Variants in TBPL2 observed in about 807,000 individuals in gnomAD.
TBPL2 encodes TATA-box binding protein like 2.
A neutral mutation model predicts 38.2 loss-of-function variants in TBPL2; 40 were observed. The ratio of observed to expected loss-of-function variants is 1.05; its 90% CI spans 0.81 to 1.36. TBPL2 has a LOEUF of 1.36. TBPL2 is among the 40% of genes most tolerant of loss of function. The pLI, the probability that TBPL2 is intolerant of heterozygous loss-of-function variation, is 0.00. For missense variants in TBPL2, 461 were observed against 456.7 expected (o/e 1.01, Z -0.09); for synonymous variants, 169 against 171.7 (o/e 0.98, Z 0.12).
chr14:55,430,315 C>T (rs377354041), intron 4 of TBPL2, among the ~76,000 whole-genome samples: 1 of 150,560 alleles, frequency 6.6e-6, no homozygotes, highest in Non-Finnish European at 1.5e-5. Flanking sequence ...TATCCAGATC[C>T]TTCACCAACA....
chr14:55,419,999 G>A (rs1953740), intron 6 of TBPL2, among the ~76,000 whole-genome samples: 107,837 of 152,130 alleles, frequency 0.71, 38,446 homozygotes, highest in African/African-American at 0.76. Context: ...GTTTAGGGAG[G>A]AGCCTGAAAG....
intron 6 of TBPL2, among the ~76,000 whole-genome samples, chr14:55,414,991 G>A (rs1006349686): frequency 2.0e-5 from 3 of 152,204 alleles, no homozygotes; most frequent in African/African-American, 7.2e-5. Context: ...GTAAAGTCTT[G>A]TTTCAAGAAA....
At chr14:55,421,853 T>C (rs1301497421) in intron 6 of TBPL2, among the ~76,000 whole-genome samples, 1 of 152,226 alleles carries the variant, frequency 6.6e-6, no homozygotes, top group Admixed American at 6.5e-5. Flanking sequence ...AAAACAGACA[T>C]GTCATTTTGC....
exon 7 of TBPL2, chr14:55,414,358 G>C (rs370912698): frequency 6.4e-7 from 1 of 1,559,788 alleles, no homozygotes; most frequent in Non-Finnish European, 8.7e-7. Flanking sequence ...CCAGAATAAT[G>C]TGAGATGCTG....
At chr14:55,436,758 G>A (rs1886020179) in exon 2 of TBPL2, 1 of 1,614,160 alleles carries the variant, frequency 6.2e-7, no homozygotes, top group African/African-American at 1.3e-5. Flanking sequence ...CCTGTTCGCT[G>A]GGTGATGGCA....
At chr14:55,436,979 C>T in exon 2 of TBPL2, 2 of 1,614,192 alleles carry the variant, frequency 1.2e-6, no homozygotes, top group African/African-American at 1.3e-5. Context: ...TAAGGTACAA[C>T]TGGGCTGAAC....
chr14:55,419,129 G>A (rs1447011277), intron 6 of TBPL2, among the ~76,000 whole-genome samples: 2 of 152,254 alleles, frequency 1.3e-5, no homozygotes, highest in African/African-American at 4.8e-5. Context: ...AGACCACACA[G>A]GTGTTATTGT....
At chr14:55,437,465 G>C (rs557800226) in intron 1 of TBPL2, among the ~76,000 whole-genome samples, 1 of 152,206 alleles carries the variant, frequency 6.6e-6, no homozygotes, top group Admixed American at 6.5e-5. Context: ...GTATCAGAGC[G>C]AGACTCCATC....
At chr14:55,424,548 T>C (rs1314279392) in intron 5 of TBPL2, among the ~76,000 whole-genome samples, 1 of 152,206 alleles carries the variant, frequency 6.6e-6, no homozygotes, top group East Asian at 1.9e-4. Context: ...AGCTTGTTGG[T>C]TAAACATCCT....
chr14:55,414,380 C>A, exon 7 of TBPL2: 1 of 1,600,460 alleles, frequency 6.2e-7, no homozygotes, highest in South Asian at 1.1e-5. Context: ...ATGATATGCT[C>A]AGGCTTTTTT....
intron 4 of TBPL2, among the ~76,000 whole-genome samples, chr14:55,430,269 T>C (rs188552152): frequency 2.9e-4 from 44 of 152,206 alleles, no homozygotes; most frequent in Non-Finnish European, 5.3e-4. Context: ...CAGTTTGAAC[T>C]TGTTTGCCTG....
chr14:55,417,707 C>G (rs958653743), intron 6 of TBPL2, among the ~76,000 whole-genome samples: 1 of 152,118 alleles, frequency 6.6e-6, no homozygotes, highest in African/African-American at 2.4e-5. Context: ...AGTGATCTGC[C>G]CACCTTGGCC....
intron 4 of TBPL2, 106 bp downstream of exon 4, chr14:55,433,524 A>G (rs1363240084): frequency 1.9e-6 from 2 of 1,035,664 alleles, no homozygotes; most frequent in African/African-American, 1.6e-5. Flanking sequence ...TCAGCAAAGA[A>G]AGGCATTTTG....
intron 4 of TBPL2, among the ~76,000 whole-genome samples, chr14:55,429,206 G>T (rs1217335526): frequency 1.3e-5 from 2 of 152,120 alleles, no homozygotes; most frequent in East Asian, 3.8e-4. Flanking sequence ...GTCTTCATTT[G>T]TCACCTTTCA....
chr14:55,435,273 G>T (rs978221006), intron 3 of TBPL2, among the ~76,000 whole-genome samples: 1 of 145,272 alleles, frequency 6.9e-6, no homozygotes, highest in Non-Finnish European at 1.5e-5. Context: ...CAATAGTCAG[G>T]TGAAATTTTT....
intron 5 of TBPL2, among the ~76,000 whole-genome samples, chr14:55,427,550 A>G (rs1199044222): frequency 6.6e-6 from 1 of 152,180 alleles, no homozygotes; most frequent in African/African-American, 2.4e-5. Flanking sequence ...AAAGAACTTC[A>G]GTTCCAGCTT....
At chr14:55,435,688 T>G (rs911394817) in intron 3 of TBPL2, among the ~76,000 whole-genome samples, 159 bp downstream of exon 3, 1 of 152,234 alleles carries the variant, frequency 6.6e-6, no homozygotes, top group Non-Finnish European at 1.5e-5. Flanking sequence ...GAGATTATTT[T>G]TTATAACTCA....
At chr14:55,434,373 A>G (rs926707917) in intron 3 of TBPL2, among the ~76,000 whole-genome samples, 10 of 152,074 alleles carry the variant, frequency 6.6e-5, no homozygotes, top group Non-Finnish European at 1.2e-4. Flanking sequence ...GGCCTGCCAC[A>G]TGGACGTGTC....
intron 4 of TBPL2, 77 bp downstream of exon 4, chr14:55,433,553 G>C (rs577657684): frequency 7.3e-7 from 1 of 1,377,400 alleles, no homozygotes; most frequent in African/African-American, 1.4e-5. Flanking sequence ...ATGTGCTTTA[G>C]CACATTAATT....
Sources: gnomAD v4.1 joint callset for allele counts (sites outside exome capture counted in the v4.1 genomes callset) on GRCh38, gnomAD v4.1.1 for gene constraint, MANE v1.5 for transcripts, NCBI Gene and HGNC (gene_info 2026-07-23, HGNC 2026-07-21) for gene names.